SYTL2: variants seen among roughly 807,000 people sequenced by gnomAD.
The protein encoded by SYTL2 is synaptotagmin like 2.
In SYTL2, 165 loss-of-function variants were observed where a neutral mutation model predicts 198.7. That is an observed-to-expected ratio of 0.83 (90% CI 0.73 to 0.94). SYTL2 has a LOEUF of 0.94. SYTL2 is among the 40% of genes least tolerant of loss of function. The probability of loss-of-function intolerance (pLI) is 0.00; values close to 1 mark genes in which losing one functional copy is unlikely to be tolerated. For missense variants in SYTL2, 2,835 were observed against 2,582.8 expected (o/e 1.10, Z -2.12); for synonymous variants, 966 against 917.7 (o/e 1.05, Z -0.95).
intron 1 of SYTL2, among the ~76,000 whole-genome samples, chr11:85,778,017 C>A (rs1377465592): frequency 6.6e-6 from 1 of 151,902 alleles, no homozygotes; most frequent in African/African-American, 2.4e-5. Flanking sequence ...TGGGGTTTCA[C>A]CACGTTGGCC....
chr11:85,771,470 G>C (rs2092353965), intron 1 of SYTL2, among the ~76,000 whole-genome samples: 3 of 152,130 alleles, frequency 2.0e-5, no homozygotes, highest in Admixed American at 6.5e-5. Context: ...CTGAGTTCTA[G>C]CTCAGACAAC....
chr11:85,731,916 C>T (rs1221735232), intron 7 of SYTL2, among the ~76,000 whole-genome samples: 2 of 152,106 alleles, frequency 1.3e-5, no homozygotes, highest in Non-Finnish European at 2.9e-5. Context: ...AAAACAACCC[C>T]ATTAAAAAGT....
At chr11:85,832,180 T>TA in the SYTL2 span, among the ~76,000 whole-genome samples, 1 of 152,184 alleles carries the variant, frequency 6.6e-6, no homozygotes, top group Non-Finnish European at 1.5e-5. Flanking sequence ...AGCTACCACT[T>TA]ATTGGGCATC....
Position 85,726,991 on chromosome 11 carries a change from G to A in SYTL2, c.2367C>T (p.Tyr789=). The part of the protein sequence containing the change: ...VPKNQVQREK[Y]KRVSDRISFW... ...AGGATATTCTGTCACTCACTCTTTT[G>A]TATTTCTCTCTCTGCACTTGGTTCT... The change falls in exon 8 of 20, where the codon TAC becomes TAT. Residue 789 remains tyrosine (Y), a synonymous_variant. Transcript: ENST00000359152. 6.5e-7 allele frequency: 1 copy of A among 1,536,554 alleles called. No individual in the cohort carries two copies. Among genetic ancestry groups the A allele is most frequent in the Non-Finnish European group, 8.7e-7 (1 of 1,146,974 alleles).
At chr11:85,807,952 G>T (rs1192195518) in intron 1 of SYTL2, among the ~76,000 whole-genome samples, 1 of 152,188 alleles carries the variant, frequency 6.6e-6, no homozygotes, top group African/African-American at 2.4e-5. Context: ...CAAAAGGGCT[G>T]TATTTGTGTG....
chr11:85,697,012 C>T (rs906870947), intron 18 of SYTL2, among the ~76,000 whole-genome samples: 1 of 151,852 alleles, frequency 6.6e-6, no homozygotes, highest in Non-Finnish European at 1.5e-5. Context: ...TTGTAAGTGG[C>T]AATATAAGAC....
At chr11:85,701,229 C>T (rs186703565) in intron 16 of SYTL2, among the ~76,000 whole-genome samples, 4 of 152,232 alleles carry the variant, frequency 2.6e-5, no homozygotes, top group South Asian at 2.1e-4. Context: ...TTTGCATATA[C>T]GTAATGAGAT....
chr11:85,826,825 T>C, the SYTL2 span, among the ~76,000 whole-genome samples: 1 of 152,208 alleles, frequency 6.6e-6, no homozygotes, highest in Admixed American at 6.5e-5. Context: ...GTATGAATCC[T>C]GCCGAAAGGT....
chr11:85,728,698 TATC>T (rs1284216791), intron 7 of SYTL2, among the ~76,000 whole-genome samples: 1 of 152,302 alleles, frequency 6.6e-6, no homozygotes, highest in Admixed American at 6.5e-5. Flanking sequence ...CCCTGGCACA[TATC>T]ATAAACCCTA....
chr11:85,698,167 C>T (rs1229885702), intron 17 of SYTL2, 89 bp from the exon 18 acceptor site: 2 of 797,512 alleles, frequency 2.5e-6, no homozygotes, highest in Non-Finnish European at 4.3e-6. Flanking sequence ...AATGTTCTGG[C>T]ATGGAGATAC....
chr11:85,812,877 G>A (rs753527511), upstream of SYTL2, among the ~76,000 whole-genome samples: 5 of 152,172 alleles, frequency 3.3e-5, no homozygotes, highest in South Asian at 4.1e-4. Flanking sequence ...GGGGAGTAGC[G>A]TGACCTCAGA....
intron 1 of SYTL2, among the ~76,000 whole-genome samples, chr11:85,799,180 C>A (rs990050810): frequency 6.6e-6 from 1 of 152,188 alleles, no homozygotes; most frequent in Non-Finnish European, 1.5e-5. Context: ...AAAATATATT[C>A]ATTTAACACA....
At chr11:85,774,143 T>G (rs754794343) in intron 1 of SYTL2, among the ~76,000 whole-genome samples, 1 of 152,224 alleles carries the variant, frequency 6.6e-6, no homozygotes, top group Non-Finnish European at 1.5e-5. Flanking sequence ...GCATATATTA[T>G]AGAAAATAAA....
the SYTL2 span, among the ~76,000 whole-genome samples, chr11:85,827,158 A>C: frequency 6.6e-6 from 1 of 152,304 alleles, no homozygotes; most frequent in Middle Eastern, 3.4e-3. Context: ...TCTTACTCAG[A>C]TCCCCAACAT....
At chr11:85,696,834 T>C (rs903791347) in intron 18 of SYTL2, among the ~76,000 whole-genome samples, 6 of 152,188 alleles carry the variant, frequency 3.9e-5, no homozygotes, top group Non-Finnish European at 5.9e-5. Context: ...GCTATCCTGA[T>C]TAGCTGTGAT....
intron 8 of SYTL2, 73 bp downstream of exon 8, chr11:85,723,959 A>AC: frequency 1.3e-6 from 1 of 754,634 alleles, no homozygotes; most frequent in Non-Finnish European, 1.8e-6. Flanking sequence ...AATCCCAATT[A>AC]AAAAAAATCA....
At chr11:85,839,277 T>A in the SYTL2 span, among the ~76,000 whole-genome samples, 1 of 152,212 alleles carries the variant, frequency 6.6e-6, no homozygotes, top group Non-Finnish European at 1.5e-5. Context: ...CAAGTCTTAT[T>A]CACTCTTTCT....
chr11:85,791,043 T>A (rs545675086), intron 1 of SYTL2, among the ~76,000 whole-genome samples: 2 of 151,554 alleles, frequency 1.3e-5, no homozygotes, highest in Non-Finnish European at 2.9e-5. Flanking sequence ...GATGCACACC[T>A]GTAATCCCGG....
chr11:85,700,091 ATAAAC>A (rs894294760), intron 17 of SYTL2, among the ~76,000 whole-genome samples: 13 of 152,330 alleles, frequency 8.5e-5, no homozygotes, highest in East Asian at 1.9e-4. Flanking sequence ...CCTAATGACT[ATAAAC>A]TAAACTAAAA....
Sources: allele counts gnomAD v4.1 joint callset (sites outside exome capture counted in the v4.1 genomes callset), GRCh38; gene constraint gnomAD v4.1.1; transcripts MANE v1.5; gene names NCBI Gene and HGNC (gene_info 2026-07-23, HGNC 2026-07-21).